The following SYNM variants were observed in gnomAD, a reference collection of about 807,000 sequenced individuals.
SYNM encodes the protein synemin.
A neutral mutation model predicts 104.0 loss-of-function variants in SYNM; 95 were observed. The observed-to-expected ratio is 0.91, with a 90% confidence interval of 0.77 to 1.08. The LOEUF (loss-of-function observed/expected upper bound fraction) is 1.08. Among genes scored for constraint, SYNM ranks in the 50% least tolerant of loss-of-function variants. SYNM has a pLI of 0.00. For synonymous variants in SYNM, 918 were observed against 869.0 expected, an observed-to-expected ratio of 1.06 and a Z score of -0.99; for missense variants, 2,150 against 2,052.2, an observed-to-expected ratio of 1.05 and a Z score of -0.92.
chr15:99,107,827 A>AC (rs1458857989), intron 1 of SYNM, among the ~76,000 whole-genome samples: 1 of 151,082 alleles, frequency 6.6e-6, no homozygotes, highest in Non-Finnish European at 1.5e-5. Flanking sequence ...TGAGGCTGGG[A>AC]CCCCACTCTC....
intron 2 of SYNM, among the ~76,000 whole-genome samples, chr15:99,117,703 A>G (rs2067362387): frequency 1.3e-5 from 2 of 151,568 alleles, no homozygotes; most frequent in Admixed American, 1.3e-4. Flanking sequence ...CAGTGTAAAC[A>G]TGGGCATCCT....
In SYNM at chr15:99,132,123, T is replaced by A; in HGVS notation, c.3763T>A (p.Ser1255Thr). ...TGGTGATTATTTTGCAACAGAAGAGTCAGTGGGTACCCAGACTTCTGTCAG... is the reference window on the plus strand; with the variant it reads ...TGGTGATTATTTTGCAACAGAAGAGACAGTGGGTACCCAGACTTCTGTCAG... ...KVGDYFATEE[S>T]VGTQTSVRQL... Residue 1255 changes from serine (S) to threonine (T), a missense_variant, in exon 4 of 4, where the codon TCA becomes ACA. By Grantham distance (58) the Ser-to-Thr change is moderately conservative. Coordinates refer to ENST00000336292, the MANE Select transcript of SYNM (RefSeq NM_145728.3). The A allele has an allele frequency of 6.2e-7, 1 of 1,613,840 alleles. No homozygotes were observed. Among genetic ancestry groups the A allele is most frequent in the Non-Finnish European group, 8.5e-7 (1 of 1,179,862 alleles).
rs1203685288 is a variant in SYNM at position 99,105,479 on chromosome 15, G to A, written c.280G>A (p.Glu94Lys). Residue 94 changes from glutamate to lysine, a missense_variant, in exon 1 of 4, where the codon GAG (glutamate) becomes AAG (lysine). Coordinates refer to ENST00000336292, the MANE Select transcript of SYNM (RefSeq NM_145728.3). ...GGACGCTCTGCGGCGCGAGCTGCGG[G>A]AGCTGCAGCGCCTGGATGCGGAGGA... Reference protein sequence around the residue: ...ERDALRRELRELQRLDAEERA... With the variant: ...ERDALRRELRKLQRLDAEERA... 6.1e-5 allele frequency: 84 copies of A among 1,371,462 alleles called. No homozygotes were observed. Among genetic ancestry groups the A allele is most frequent in the Admixed American group, 5.7e-4 (18 of 31,332 alleles). The allele number at this position is 1,371,462 out of a possible 1,614,324, so 85.0% of individuals were successfully genotyped here.
In SYNM at chr15:99,105,948, G is replaced by T. The variant is rs1555482710; in HGVS notation, c.749G>T (p.Arg250Leu). ...EALGLEQLRA[R>L]LEDALLRMRE... ...CTCGGGTTGGAGCAGCTGCGCGCGC[G>T]GCTGGAGGACGCGCTGCTGCGGATG... is the stretch of plus-strand genomic sequence containing the variant. Residue 250 changes from arginine (R) to leucine (L), a missense_variant, in exon 1 of 4, where the codon CGG becomes CTG. Transcript: ENST00000336292. 7 of 1,520,982 alleles carry T rather than the reference G, an allele frequency of 4.6e-6. No individual in the cohort carries two copies. Among genetic ancestry groups the T allele is most frequent in the Non-Finnish European group, 6.1e-6 (7 of 1,140,348 alleles). The allele number at this position is 1,520,982 out of a possible 1,614,324, so 94.2% of individuals were successfully genotyped here.
At chr15:99,123,454 C>T (rs548118701) in intron 2 of SYNM, among the ~76,000 whole-genome samples, 7 of 152,220 alleles carry the variant, frequency 4.6e-5, no homozygotes, top group South Asian at 2.1e-4. Flanking sequence ...TCACCTTTCC[C>T]GTTCAGGTGG....
intron 2 of SYNM, among the ~76,000 whole-genome samples, chr15:99,116,288 A>G (rs1555483926): frequency 6.6e-6 from 1 of 152,256 alleles, no homozygotes; most frequent in Non-Finnish European, 1.5e-5. Context: ...GTTGAGTTAG[A>G]TGATCTAAAC....
Position 99,131,973 on chromosome 15 carries a change from C to T in SYNM, c.3613C>T (p.Pro1205Ser). ...ACPEAWGSPE[P>S]GPAESSADMD... ...TCCAGAGGCATGGGGCTCGCCAGAA[C>T]CTGGCCCAGCAGAGTCTTCTGCAGA... The change falls in exon 4 of 4, where the codon CCT (proline) becomes TCT (serine). Residue 1205 changes from proline (P) to serine (S), a missense_variant. Coordinates refer to ENST00000336292, the MANE Select transcript of SYNM (RefSeq NM_145728.3). The surrounding 1 kb of genome is among the most constrained non-coding windows in gnomAD (Gnocchi z 4.3). 2 of 1,613,976 alleles carry T rather than the reference C, an allele frequency of 1.2e-6. No individual in the cohort carries two copies. Among genetic ancestry groups the T allele is most frequent in the Non-Finnish European group, 1.7e-6 (2 of 1,179,906 alleles).
rs372377561 is a variant in SYNM at position 99,129,578 on chromosome 15, G to A, written c.1218G>A (p.Ser406=). The part of the protein sequence containing the change: ...RGFLGSGYSS[S]ATTQQENSYG... ...TCTTGGGCTCGGGATATTCTTCCTC[G>A]GCCACTACCCAGCAGGAAAACTCAT... Residue 406 remains serine, a synonymous_variant, in exon 4 of 4, where the codon TCG becomes TCA. Transcript: ENST00000336292. 7.4e-6 allele frequency: 12 copies of A among 1,613,722 alleles called. No individual in the cohort carries two copies. The highest frequency in any genetic ancestry group is 4.0e-5 in the African/African-American group (3 of 74,852).
Position 99,105,904 on chromosome 15 carries a change from GGC to G in SYNM, c.708_709del (p.Leu237AlafsTer37). ...ETRLCAQEAE[A>X]LRREALGLEQ... Reference sequence around the variant, plus strand: ...CGCGGCTGTGCGCGCAGGAGGCAGAGGCGCTGCGGCGCGAGGCGCTCGGGTTG... The same window carrying G: ...CGCGGCTGTGCGCGCAGGAGGCAGAGGCTGCGGCGCGAGGCGCTCGGGTTG... On this transcript the variant is annotated frameshift_variant, in exon 1 of 4. Transcript: ENST00000336292. LOFTEE classifies it high-confidence loss of function. 1 of 1,534,032 alleles carries G rather than the reference GGC, an allele frequency of 6.5e-7. No homozygotes were observed. Among genetic ancestry groups the G allele is most frequent in the Non-Finnish European group, 8.7e-7 (1 of 1,144,628 alleles).
At position 99,131,111 on chromosome 15, in the gene SYNM, T is replaced by A; in HGVS notation, c.2751T>A (p.His917Gln). ...WKEQARSGEFHAEPTVIEKEI... is the reference protein window; with the variant it reads ...WKEQARSGEFQAEPTVIEKEI... ...AACAAGCTAGAAGCGGTGAATTTCA[T>A]GCCGAACCCACAGTCATTGAAAAAG... Residue 917 changes from histidine to glutamine, a missense_variant, in exon 4 of 4, where the codon CAT becomes CAA. Physicochemically the swap from His to Gln is conservative, Grantham distance 24. Transcript: ENST00000336292. This position sits in a 1 kb window ranked among gnomAD's most constrained non-coding sequence, Gnocchi z 4.3. 1 of 1,602,286 alleles carries A rather than the reference T, an allele frequency of 6.2e-7. No individual in the cohort carries two copies. The highest frequency in any genetic ancestry group is 1.1e-5 in the South Asian group (1 of 89,122).
chr15:99,133,512 C>G lies in SYNM; in HGVS notation c.*454C>G, dbSNP rs1479715716. 6.2e-6 allele frequency: 1 copy of G among 161,592 alleles called. No homozygotes were observed. Among genetic ancestry groups the G allele is most frequent in the African/African-American group, 2.4e-5 (1 of 41,462 alleles). The allele number at this position is 161,592 out of a possible 1,614,324, so 10.0% of individuals were successfully genotyped here. Reference sequence around the variant, plus strand: ...AGGGGAAAAATAAATACAATTTAGACTCTAAAAAGTCTTTTCAAAAAGAAA... The same window carrying G: ...AGGGGAAAAATAAATACAATTTAGAGTCTAAAAAGTCTTTTCAAAAAGAAA... On this transcript the variant is annotated 3_prime_UTR_variant, in exon 4 of 4. Transcript: ENST00000336292.
At chr15:99,125,273 C>G (rs2067436343) in intron 2 of SYNM, among the ~76,000 whole-genome samples, 1 of 152,214 alleles carries the variant, frequency 6.6e-6, no homozygotes, top group Non-Finnish European at 1.5e-5. Context: ...TGGGGCCTGG[C>G]TTTTACCCCG....
Position 99,132,650 on chromosome 15 carries a change from T to C in SYNM, c.4290T>C (p.Ala1430=), listed in dbSNP as rs782677393. 119 of 1,613,902 alleles carry C rather than the reference T, an allele frequency of 7.4e-5. No individual in the cohort carries two copies. The East Asian group carries it at 2.6e-3, about 36-fold the overall frequency. ...RGPVSRTFVL[A]GSADSPELGK... ...CCGTGTCCAGAACATTTGTGCTTGC[T>C]GGTTCAGCGGACTCCCCTGAGCTAG... Residue 1430 remains alanine (A), a synonymous_variant, in exon 4 of 4, where the codon GCT becomes GCC. Coordinates refer to ENST00000336292, the MANE Select transcript of SYNM (RefSeq NM_145728.3).
At chr15:99,139,381 G>C, downstream of SYNM, 1 of 1,614,150 alleles carries the variant, frequency 6.2e-7, no homozygotes. Context: ...CCATATAAGA[G>C]GGTCTGGATC....
rs2067534004 is a variant in SYNM at position 99,133,421 on chromosome 15, A to G, written c.*363A>G. On this transcript the variant is annotated 3_prime_UTR_variant, in exon 4 of 4. Transcript: ENST00000336292. ...TAGATGTCAAAACATTAACCAGATT[A>G]AAGTAATATATTTAAGAGTAAATTT... 4.5e-6 allele frequency: 1 copy of G among 219,924 alleles called. No homozygotes were observed. The highest frequency in any genetic ancestry group is 9.0e-6 in the Non-Finnish European group (1 of 110,510). The allele number at this position is 219,924 out of a possible 1,614,324, so 13.6% of individuals were successfully genotyped here.
Position 99,131,074 on chromosome 15 carries a change from C to A in SYNM, c.2714C>A (p.Thr905Asn). ...TCTCTGGAGGGGGACCTGGGTTCCA[C>A]TCACTGGAAAGAACAAGCTAGAAGC... ...APSLEGDLGS[T>N]HWKEQARSGE... Residue 905 changes from threonine (T) to asparagine (N), a missense_variant, in exon 4 of 4, where the codon ACT becomes AAT. Physicochemically the swap from Thr to Asn is moderately conservative, Grantham distance 65 (BLOSUM62 0). Transcript: ENST00000336292. The surrounding 1 kb of genome is among the most constrained non-coding windows in gnomAD (Gnocchi z 4.3). The A allele has an allele frequency of 6.2e-7, 1 of 1,605,706 alleles. No individual in the cohort carries two copies. The highest frequency in any genetic ancestry group is 8.5e-7 in the Non-Finnish European group (1 of 1,175,836).
intron 2 of SYNM, among the ~76,000 whole-genome samples, chr15:99,114,418 CA>C (rs1289765101): frequency 6.6e-6 from 1 of 151,920 alleles, no homozygotes; most frequent in Admixed American, 6.5e-5. Context: ...GTGGGGGTTA[CA>C]AATCGAGATG....
rs782773711 is a variant in SYNM, at chr15:99,113,659, C to G, written c.879C>G (p.Asp293Glu). Residue 293 changes from aspartate to glutamate, a missense_variant, in exon 2 of 4, where the codon GAC becomes GAG. Coordinates refer to ENST00000336292, the MANE Select transcript of SYNM (RefSeq NM_145728.3). ...LTLAMADWLR[D>E]YQDLLQVKTG... ...TGGCCATGGCTGACTGGCTGCGGGA[C>G]TATCAGGACCTCCTGCAGGTGAAGA... is the stretch of plus-strand genomic sequence containing the variant. The G allele has an allele frequency of 6.2e-7, 1 of 1,613,494 alleles. No homozygotes were observed. Among genetic ancestry groups the G allele is most frequent in the East Asian group, 2.2e-5 (1 of 44,874 alleles).
downstream of SYNM, chr15:99,137,806 G>T: frequency 1.3e-6 from 1 of 759,268 alleles, no homozygotes; most frequent in Non-Finnish European, 2.0e-6. Context: ...CTGCTTTATA[G>T]CATATATCAC....
Sources: gnomAD v4.1 joint callset for allele counts (sites outside exome capture counted in the v4.1 genomes callset) on GRCh38, gnomAD v4.1.1 for gene constraint, Gnocchi (gnomAD v3.1) non-coding constraint, MANE v1.5 for transcripts, NCBI Gene and HGNC (gene_info 2026-07-23, HGNC 2026-07-21) for gene names.